RSRC1: variants seen among roughly 807,000 people sequenced by gnomAD.
The protein encoded by RSRC1 is arginine and serine rich coiled-coil 1, also known as serine/Arginine-related protein 53.
In RSRC1, 39 loss-of-function variants were observed where a neutral mutation model predicts 49.1. That is an observed-to-expected ratio of 0.79 (90% CI 0.61 to 1.04). RSRC1 has a LOEUF of 1.04. Ranked by LOEUF, RSRC1 falls within the 50% of genes least tolerant of loss-of-function variation. RSRC1 has a pLI of 0.00. For synonymous variants in RSRC1, 143 were observed against 130.8 expected (o/e 1.09, Z -0.63); for missense variants, 388 against 402.4 (o/e 0.96, Z 0.31).
chr3:158,146,738 A>G (rs1019819996), intron 3 of RSRC1, among the ~76,000 whole-genome samples: 8 of 152,248 alleles, frequency 5.3e-5, no homozygotes, highest in South Asian at 2.1e-4. Context: ...GGTAGAATTC[A>G]GCTGTGAATC....
intron 4 of RSRC1, among the ~76,000 whole-genome samples, chr3:158,241,459 A>AAT (rs1482385956): frequency 1.1e-4 from 16 of 150,880 alleles, no homozygotes; most frequent in African/African-American, 2.2e-4. Flanking sequence ...CTGTCTCAAA[A>AAT]ATATATATAT....
At chr3:158,326,997 A>G (rs1023542249) in intron 5 of RSRC1, among the ~76,000 whole-genome samples, 8 of 151,862 alleles carry the variant, frequency 5.3e-5, no homozygotes, top group African/African-American at 1.9e-4. Flanking sequence ...TTTGTTCTAG[A>G]TTTTCTAGTT....
chr3:158,475,097 A>T (rs1480399713), intron 7 of RSRC1, among the ~76,000 whole-genome samples: 2 of 151,450 alleles, frequency 1.3e-5, no homozygotes, highest in Non-Finnish European at 2.9e-5. Context: ...TTTATTTTTT[A>T]TTTTTTTGTA....
In RSRC1 at chr3:158,171,306, A is replaced by G. The variant is rs562111771; in HGVS notation, c.321-31766A>G. On this transcript the variant is annotated intron_variant, in intron 3 of 9. Transcript: ENST00000611884. ...CTAGTATACACAGTCTTACAACATG[A>G]TAAACAAAAGGTCCACTATATAATC... Among the ~76,000 whole-genome samples the G allele has an allele frequency of 3.0e-4, 46 of 152,344 alleles. No individual in the cohort carries two copies. The South Asian group carries it at 9.1e-3, about 30-fold the overall frequency.
chr3:158,264,984 C>T (rs1285929603), intron 4 of RSRC1, among the ~76,000 whole-genome samples: 1 of 152,136 alleles, frequency 6.6e-6, no homozygotes, highest in East Asian at 1.9e-4. Context: ...TGAAGATTGC[C>T]CTGATCTGTC....
At chr3:158,541,019 C>CCT (rs989071282) in intron 8 of RSRC1, among the ~76,000 whole-genome samples, 1 of 152,172 alleles carries the variant, frequency 6.6e-6, no homozygotes, top group Non-Finnish European at 1.5e-5. Flanking sequence ...GGAAGTGATA[C>CCT]CCATGCAGAG....
At chr3:158,131,372 G>T (rs1485017630) in intron 3 of RSRC1, among the ~76,000 whole-genome samples, 1 of 151,238 alleles carries the variant, frequency 6.6e-6, no homozygotes, top group Non-Finnish European at 1.5e-5. Context: ...GTCTTTTTTT[G>T]GTTGTCACTT....
intron 6 of RSRC1, among the ~76,000 whole-genome samples, chr3:158,457,567 T>C (rs2108400158): frequency 6.6e-6 from 1 of 152,230 alleles, no homozygotes; most frequent in East Asian, 1.9e-4. Flanking sequence ...TGTTACAATT[T>C]AGACCTATAT....
chr3:158,112,656 G>A (rs1714490407), intron 1 of RSRC1, among the ~76,000 whole-genome samples: 1 of 152,116 alleles, frequency 6.6e-6, no homozygotes, highest in Admixed American at 6.5e-5. Flanking sequence ...GTTTCTCTAA[G>A]GAAGGATTTA....
chr3:158,174,711 A>G lies in RSRC1; in HGVS notation c.321-28361A>G, dbSNP rs539277505. On this transcript the variant is annotated intron_variant, in intron 3 of 9. Transcript: ENST00000611884. Reference sequence around the variant, plus strand: ...TTGTTTCATGTAGCTCTCATTCATCATTGTACAATATTCCATAATATAAAC... The same window carrying G: ...TTGTTTCATGTAGCTCTCATTCATCGTTGTACAATATTCCATAATATAAAC... Among the ~76,000 whole-genome samples the G allele has an allele frequency of 9.2e-5, 14 of 152,100 alleles. No individual in the cohort carries two copies. The South Asian group carries it at 2.9e-3, about 32-fold the overall frequency.
intron 7 of RSRC1, among the ~76,000 whole-genome samples, chr3:158,470,380 A>AT: frequency 2.0e-5 from 3 of 150,546 alleles, no homozygotes; most frequent in African/African-American, 4.9e-5. Context: ...ATATATATAT[A>AT]AAACCATCTT....
chr3:158,530,184 T>C lies in RSRC1; in HGVS notation c.653-6908T>C, dbSNP rs1712300569. On this transcript the variant is annotated intron_variant, in intron 7 of 9. Transcript: ENST00000611884. ...AATATACAGATTTATATAAGAATTGTTTAGCCAACTTCCGTGTCTTTAGTA... is the reference window on the plus strand; with the variant it reads ...AATATACAGATTTATATAAGAATTGCTTAGCCAACTTCCGTGTCTTTAGTA... 2.0e-5 allele frequency among the ~76,000 whole-genome samples: 3 copies of C among 152,064 alleles called. No homozygotes were observed. In the South Asian group the frequency reaches 6.2e-4, roughly 32 times the overall value.
chr3:158,451,051 C>T (rs755376304), intron 6 of RSRC1, among the ~76,000 whole-genome samples: 8 of 151,794 alleles, frequency 5.3e-5, no homozygotes, highest in Non-Finnish European at 7.4e-5. Context: ...TTCTGCTTTT[C>T]TCAGTCAAGT....
In RSRC1 at chr3:158,337,092, C is replaced by T. The variant is rs532439437; in HGVS notation, c.532-17765C>T. Among the ~76,000 whole-genome samples, 8 of 152,266 alleles carry T rather than the reference C, an allele frequency of 5.3e-5. No homozygotes were observed. In the South Asian group the frequency reaches 1.7e-3, roughly 32 times the overall value. On this transcript the variant is annotated intron_variant, in intron 5 of 9. Coordinates refer to ENST00000611884, the MANE Select transcript of RSRC1 (RefSeq NM_001271838.2). Reference sequence around the variant, plus strand: ...TATGATCCTGTGTCTAAACAGTCTCCCTGGCCTCACCAATGCTGCTCTTAT... The same window carrying T: ...TATGATCCTGTGTCTAAACAGTCTCTCTGGCCTCACCAATGCTGCTCTTAT...
intron 4 of RSRC1, among the ~76,000 whole-genome samples, chr3:158,241,003 C>T (rs1723542050): frequency 6.6e-6 from 1 of 152,020 alleles, no homozygotes; most frequent in African/African-American, 2.4e-5. Flanking sequence ...TGTCATTAAT[C>T]TCTTATGCTA....
chr3:158,197,791 G>A (rs555451961), intron 3 of RSRC1, among the ~76,000 whole-genome samples: 1 of 152,254 alleles, frequency 6.6e-6, no homozygotes, highest in East Asian at 1.9e-4. Flanking sequence ...TTTCCATGTA[G>A]TTGAGCGGTT....
At chr3:158,326,150 A>G (rs1409378272) in intron 5 of RSRC1, among the ~76,000 whole-genome samples, 1 of 152,186 alleles carries the variant, frequency 6.6e-6, no homozygotes, top group African/African-American at 2.4e-5. Flanking sequence ...GGGGTTTTCT[A>G]GATATACAAT....
intron 4 of RSRC1, among the ~76,000 whole-genome samples, chr3:158,248,454 T>TTGTTTTCTGTTTTTGACTGTTAC (rs1724026295): frequency 1.3e-5 from 2 of 152,120 alleles, no homozygotes; most frequent in Non-Finnish European, 2.9e-5. Context: ...AACAGTTGAG[T>TTGTTTTCTGTTTTTGACTGTTAC]TGTTTTCTGT....
At chr3:158,265,807 G>T (rs928123272) in intron 4 of RSRC1, among the ~76,000 whole-genome samples, 1 of 152,014 alleles carries the variant, frequency 6.6e-6, no homozygotes, top group Non-Finnish European at 1.5e-5. Flanking sequence ...TCAAGGTCAC[G>T]AAGATTTTCT....
Sources: allele counts gnomAD v4.1 joint callset (sites outside exome capture counted in the v4.1 genomes callset), GRCh38; gene constraint gnomAD v4.1.1; transcripts MANE v1.5; gene names NCBI Gene and HGNC (gene_info 2026-07-23, HGNC 2026-07-21).